RIMS1: variants seen among roughly 807,000 people sequenced by gnomAD.
The protein encoded by RIMS1 is regulating synaptic membrane exocytosis protein 1.
In RIMS1, 83 loss-of-function variants were observed where a neutral mutation model predicts 214.1. The observed-to-expected ratio is 0.39, with a 90% CI of 0.32 to 0.47. The LOEUF is 0.47. Among genes scored for constraint, RIMS1 ranks in the 20% least tolerant of loss-of-function variants. The pLI is 0.99. For synonymous variants in RIMS1, 793 were observed against 786.8 expected (o/e 1.01, Z -0.13); for missense variants, 2,050 against 2,161.8 (o/e 0.95, Z 1.03).
intron 3 of RIMS1, among the ~76,000 whole-genome samples, chr6:72,099,417 T>C (rs939709297): frequency 6.6e-6 from 1 of 152,202 alleles, no homozygotes; most frequent in African/African-American, 2.4e-5. Context: ...AAGTTGTTTT[T>C]TTCTATAACA....
chr6:72,213,057 G>C, intron 6 of RIMS1: 1 of 1,533,200 alleles, frequency 6.5e-7, no homozygotes, highest in East Asian at 2.5e-5. Context: ...ATCTTGAGCA[G>C]CAGAGAGTGG....
At chr6:72,100,285 T>C (rs1190352575) in intron 4 of RIMS1, among the ~76,000 whole-genome samples, 1 of 152,044 alleles carries the variant, frequency 6.6e-6, no homozygotes, top group Non-Finnish European at 1.5e-5. Context: ...TTCCAACTGC[T>C]TTCAGAAACA....
Position 72,259,038 on chromosome 6 carries a change from C to CA in RIMS1, c.2981dup (p.His994GlnfsTer2). ...AAGGTCACGTTCTCCAACCAGACAC[C>CA]ATGATGCCTCCCGAAGTCCAGTTGA... On this transcript the variant is annotated frameshift_variant, in exon 18 of 34. Transcript: ENST00000521978. LOFTEE classifies it high-confidence loss of function. The CA allele has an allele frequency of 6.2e-7, 1 of 1,612,172 alleles. No individual in the cohort carries two copies. Among genetic ancestry groups the CA allele is most frequent in the Non-Finnish European group, 8.5e-7 (1 of 1,178,498 alleles).
In RIMS1 at chr6:72,233,828, A is replaced by G. The variant is rs960564097; in HGVS notation, c.1734A>G (p.Ser578=). The G allele has an allele frequency of 2.5e-6, 4 of 1,578,512 alleles. No individual in the cohort carries two copies. The African/African-American group carries it at 4.0e-5, about 16-fold the overall frequency. ...DPATWHSRET[S]PISSHPVTWQ... The stretch of plus-strand genomic sequence containing the variant: ...CCACGTGGCACAGCCGGGAGACATC[A>G]CCTATTAGTTCGGTAAGTTTTCTGG... The change falls in exon 7 of 34, where the codon TCA becomes TCG. Residue 578 remains serine (S), a synonymous_variant. Transcript: ENST00000521978.
chr6:72,187,133 A>G (rs1304491394), intron 6 of RIMS1, among the ~76,000 whole-genome samples: 1 of 152,102 alleles, frequency 6.6e-6, no homozygotes, highest in African/African-American at 2.4e-5. Context: ...CAAGAAGGAA[A>G]GAGAGAAGGA....
At chr6:72,228,389 A>C (rs1164725356) in intron 6 of RIMS1, among the ~76,000 whole-genome samples, 1 of 151,836 alleles carries the variant, frequency 6.6e-6, no homozygotes, top group South Asian at 2.1e-4. Context: ...TCCTCATATA[A>C]TACTACTTAT....
chr6:72,020,233 G>C lies in RIMS1; in HGVS notation c.245+51170G>C, dbSNP rs1377308888. 2.0e-5 allele frequency among the ~76,000 whole-genome samples: 3 copies of C among 152,112 alleles called. No homozygotes were observed. The East Asian group carries it at 5.8e-4, about 29-fold the overall frequency. ...TAATACTATAATGATAACATTCTAT[G>C]ATGCAAGTTTGTCCTACCTTCTTTA... On this transcript the variant is annotated intron_variant, in intron 2 of 33. Transcript: ENST00000521978.
chr6:71,950,659 G>T (rs572132037), intron 1 of RIMS1, among the ~76,000 whole-genome samples: 1 of 152,266 alleles, frequency 6.6e-6, no homozygotes, highest in South Asian at 2.1e-4. Context: ...TCTAATTTCT[G>T]TATGTGTGTC....
At chr6:71,895,110 A>G (rs1771256183) in intron 1 of RIMS1, among the ~76,000 whole-genome samples, 1 of 152,224 alleles carries the variant, frequency 6.6e-6, no homozygotes, top group South Asian at 2.1e-4. Flanking sequence ...ACTCTCATGC[A>G]TAATATACAC....
At chr6:72,261,122 G>C (rs557697529) in intron 19 of RIMS1, 12 of 1,174,348 alleles carry the variant, frequency 1.0e-5, no homozygotes, top group Non-Finnish European at 1.3e-5. Context: ...GTCACAAGAG[G>C]TCTAATCTGT....
At chr6:72,396,634 C>T (rs1018342042) in intron 31 of RIMS1, among the ~76,000 whole-genome samples, 7 of 152,058 alleles carry the variant, frequency 4.6e-5, no homozygotes, top group African/African-American at 1.7e-4. Flanking sequence ...AAGGGAATGT[C>T]CTAGATCTCA....
intron 10 of RIMS1, among the ~76,000 whole-genome samples, chr6:72,243,711 A>G (rs1449210089): frequency 1.3e-5 from 2 of 151,774 alleles, no homozygotes; most frequent in African/African-American, 4.8e-5. Context: ...GTAACAGACA[A>G]TTAAAGTAGA....
rs72934871 is a variant in RIMS1 at position 72,091,282 on chromosome 6, C to G, written c.246-5667C>G. Reference sequence around the variant, plus strand: ...CTCTGGAAAAATCCAGTTCTATTTGCCTAGACTTCATAAAGGAAATCCAGG... The same window carrying G: ...CTCTGGAAAAATCCAGTTCTATTTGGCTAGACTTCATAAAGGAAATCCAGG... On this transcript the variant is annotated intron_variant, in intron 2 of 33. Coordinates refer to ENST00000521978, the MANE Select transcript of RIMS1 (RefSeq NM_014989.7). Among the ~76,000 whole-genome samples, 1,428 of 152,216 alleles carry G rather than the reference C, an allele frequency of 9.4e-3. 14 individuals carry two copies. Among genetic ancestry groups the G allele is most frequent in the Non-Finnish European group, 0.017 (1,126 of 68,004 alleles).
At chr6:72,170,578 T>C (rs1287042006) in intron 4 of RIMS1, among the ~76,000 whole-genome samples, 4 of 151,980 alleles carry the variant, frequency 2.6e-5, no homozygotes, top group Non-Finnish European at 5.9e-5. Flanking sequence ...CTCCTGACCT[T>C]GTGATCCACC....
At chr6:72,116,414 A>ATTTTCTT (rs1459695081) in intron 4 of RIMS1, among the ~76,000 whole-genome samples, 7 of 152,018 alleles carry the variant, frequency 4.6e-5, no homozygotes, top group Non-Finnish European at 1.0e-4. Flanking sequence ...CATTGTCAGA[A>ATTTTCTT]TCCAAGAAAA....
At chr6:72,091,880 T>C (rs1368580384) in intron 2 of RIMS1, among the ~76,000 whole-genome samples, 1 of 152,214 alleles carries the variant, frequency 6.6e-6, no homozygotes, top group Non-Finnish European at 1.5e-5. Flanking sequence ...AATTCTAAAA[T>C]CGAAGTGTAC....
chr6:72,341,699 T>G (rs2154356458), intron 29 of RIMS1, among the ~76,000 whole-genome samples: 1 of 151,806 alleles, frequency 6.6e-6, no homozygotes. Context: ...TAAAGTAAAA[T>G]GCCCGAAATA....
intron 1 of RIMS1, among the ~76,000 whole-genome samples, chr6:71,895,880 T>G (rs1464050429): frequency 4.6e-5 from 7 of 152,140 alleles, no homozygotes. Flanking sequence ...AGAGGTTCTA[T>G]CCAGGTCAGA....
intron 4 of RIMS1, among the ~76,000 whole-genome samples, chr6:72,164,890 T>C (rs973332785): frequency 2.0e-5 from 3 of 152,302 alleles, no homozygotes; most frequent in Non-Finnish European, 2.9e-5. Context: ...CATTGAGGTT[T>C]CACACTTATG....
Sources: allele counts gnomAD v4.1 joint callset (sites outside exome capture counted in the v4.1 genomes callset), GRCh38; gene constraint gnomAD v4.1.1; transcripts MANE v1.5; gene names NCBI Gene and HGNC (gene_info 2026-07-23, HGNC 2026-07-21).